The following RAB31 variants were observed in gnomAD, a reference collection of about 807,000 sequenced individuals.
RAB31 encodes ras-related protein Rab-31.
A neutral mutation model predicts 25.6 loss-of-function variants in RAB31; 21 were observed. That is an observed-to-expected ratio of 0.82 (90% confidence interval 0.58 to 1.18). The LOEUF (loss-of-function observed/expected upper bound fraction) is 1.18. Ranked by LOEUF, RAB31 falls within the 50% of genes most tolerant of loss-of-function variation. RAB31 has a pLI of 0.00. For synonymous variants in RAB31, 87 were observed against 84.0 expected (o/e 1.04, Z -0.20); for missense variants, 196 against 250.1 (o/e 0.78, Z 1.46).
intron 3 of RAB31, among the ~76,000 whole-genome samples, chr18:9,798,599 CT>C (rs1324198666): frequency 1.4e-5 from 2 of 147,912 alleles, no homozygotes; most frequent in Non-Finnish European, 3.0e-5. Flanking sequence ...AGACAGATTT[CT>C]TTTTTTCTTT....
chr18:9,846,647 C>A (rs1417289704), intron 6 of RAB31, among the ~76,000 whole-genome samples: 2 of 152,192 alleles, frequency 1.3e-5, no homozygotes, highest in African/African-American at 4.8e-5. Context: ...TGATCTCTTT[C>A]CTGCCTGAGA....
chr18:9,747,502 C>T (rs1217933468), intron 1 of RAB31, among the ~76,000 whole-genome samples: 1 of 152,148 alleles, frequency 6.6e-6, no homozygotes. Flanking sequence ...GTGATATAAA[C>T]ATACAATGAA....
intron 3 of RAB31, among the ~76,000 whole-genome samples, chr18:9,795,096 A>G (rs1050623721): frequency 2.6e-5 from 4 of 152,222 alleles, no homozygotes; most frequent in African/African-American, 9.7e-5. Context: ...AAATACTTAC[A>G]GTCAACTGAT....
At chr18:9,787,571 G>T in intron 2 of RAB31, 1 of 183,688 alleles carries the variant, frequency 5.4e-6, no homozygotes. Flanking sequence ...CTTACCATCA[G>T]GTGGTCCATA....
chr18:9,814,866 A>G (rs1325326202), intron 4 of RAB31: 1 of 314,524 alleles, frequency 3.2e-6, no homozygotes, highest in Non-Finnish European at 6.0e-6. Flanking sequence ...AATGTTATTT[A>G]TAGGAGAAAA....
intron 1 of RAB31, 69 bp from the exon 2 acceptor site, chr18:9,775,209 G>A (rs2068365708): frequency 6.2e-7 from 1 of 1,607,432 alleles, no homozygotes; most frequent in Non-Finnish European, 8.5e-7. Flanking sequence ...AATCTGTGAG[G>A]TCAGTTAACC....
In RAB31 at chr18:9,859,335, C is replaced by T. The variant is rs764046995; in HGVS notation, c.*10C>T. On this transcript the variant is annotated 3_prime_UTR_variant, in exon 7 of 7. Transcript: ENST00000578921. ...CCGCCGGTGCTGTTGACCCAAGGGC[C>T]GTGGTCCACGGTACTTGAAGAAGCC... is the stretch of plus-strand genomic sequence containing the variant. 9.4e-6 allele frequency: 15 copies of T among 1,600,910 alleles called. No individual in the cohort carries two copies. Among genetic ancestry groups the T allele is most frequent in the South Asian group, 4.4e-5 (4 of 90,794 alleles).
chr18:9,769,972 T>C (rs2068335766), intron 1 of RAB31, among the ~76,000 whole-genome samples: 1 of 152,250 alleles, frequency 6.6e-6, no homozygotes, highest in Non-Finnish European at 1.5e-5. Context: ...ATTGGTTTTG[T>C]TTATGTGATG....
intron 2 of RAB31, among the ~76,000 whole-genome samples, chr18:9,788,961 C>A (rs1361581016): frequency 6.6e-6 from 1 of 152,036 alleles, no homozygotes; most frequent in Non-Finnish European, 1.5e-5. Flanking sequence ...CAGAGTAAGA[C>A]CCCATCTCAA....
intron 3 of RAB31, among the ~76,000 whole-genome samples, chr18:9,811,185 C>T (rs948237932): frequency 2.0e-5 from 3 of 152,168 alleles, no homozygotes; most frequent in Non-Finnish European, 2.9e-5. Context: ...CTTCGGCCAC[C>T]GCACAGTTCA....
intron 2 of RAB31, among the ~76,000 whole-genome samples, chr18:9,791,446 A>AGAG (rs1430122047): frequency 8.2e-6 from 1 of 121,306 alleles, no homozygotes; most frequent in Admixed American, 1.1e-4. Flanking sequence ...CACTCAGGCT[A>AGAG]GAGTGCAGTG....
intron 1 of RAB31, among the ~76,000 whole-genome samples, chr18:9,719,489 C>T (rs753185958): frequency 3.3e-5 from 5 of 151,018 alleles, no homozygotes; most frequent in Non-Finnish European, 5.9e-5. Context: ...TGGCAATATC[C>T]TATTTGTTCT....
chr18:9,746,484 T>C (rs1051592325), intron 1 of RAB31, among the ~76,000 whole-genome samples: 4 of 152,072 alleles, frequency 2.6e-5, no homozygotes, highest in Admixed American at 1.3e-4. Context: ...AAGAACAAAG[T>C]TGAAGGACTC....
At chr18:9,849,740 G>A (rs551813212) in intron 6 of RAB31, 46 of 152,394 alleles carry the variant, frequency 3.0e-4, no homozygotes, top group African/African-American at 7.5e-4. Context: ...CCTGAAAAAC[G>A]AGAAAAGGCC....
intron 1 of RAB31, among the ~76,000 whole-genome samples, chr18:9,738,172 G>A (rs1454798656): frequency 3.3e-5 from 5 of 152,242 alleles, no homozygotes; most frequent in East Asian, 1.9e-4. Context: ...ACCCCCTGGC[G>A]AGGAGCTAAC....
At chr18:9,829,816 G>C (rs1200264956) in intron 5 of RAB31, among the ~76,000 whole-genome samples, 4 of 152,048 alleles carry the variant, frequency 2.6e-5, no homozygotes, top group Non-Finnish European at 4.4e-5. Flanking sequence ...TTCTTCTTCT[G>C]TGAAGTGCCT....
chr18:9,743,054 G>A (rs1043026730), intron 1 of RAB31, among the ~76,000 whole-genome samples: 1 of 152,194 alleles, frequency 6.6e-6, no homozygotes, highest in Admixed American at 6.5e-5. Context: ...AGAAAGCAGT[G>A]TAAACAGGCT....
chr18:9,771,747 C>A (rs888933728), intron 1 of RAB31, among the ~76,000 whole-genome samples: 4 of 152,234 alleles, frequency 2.6e-5, no homozygotes, highest in Admixed American at 6.5e-5. Context: ...AGCCACGGGT[C>A]AGAGAGGATT....
intron 5 of RAB31, among the ~76,000 whole-genome samples, chr18:9,826,571 G>C (rs72477243): frequency 0.023 from 3,502 of 152,100 alleles, 100 homozygotes; most frequent in East Asian, 0.11. Flanking sequence ...TTAATATGAG[G>C]CTACCCTATT....
Sources: allele counts gnomAD v4.1 joint callset (sites outside exome capture counted in the v4.1 genomes callset), GRCh38; gene constraint gnomAD v4.1.1; transcripts MANE v1.5; gene names NCBI Gene and HGNC (gene_info 2026-07-23, HGNC 2026-07-21).